Variants in SRGAP2C observed in about 807,000 individuals in gnomAD.
SRGAP2C encodes the protein SLIT-ROBO Rho GTPase-activating protein 2C.
SRGAP2C carries 15 observed loss-of-function variants against 25.1 expected under a neutral mutation model. That is an observed-to-expected ratio of 0.60 (90% confidence interval 0.40 to 0.92). SRGAP2C has a LOEUF of 0.92. Among genes scored for constraint, SRGAP2C ranks in the 40% least tolerant of loss-of-function variants. SRGAP2C has a pLI of 0.00. For missense variants in SRGAP2C, 144 were observed against 264.4 expected (o/e 0.54, Z 3.16); for synonymous variants, 44 against 96.6 (o/e 0.46, Z 3.19).
At chr1:121,347,739 G>A (rs1291476433) in intron 4 of SRGAP2C, among the ~76,000 whole-genome samples, 1 of 152,102 alleles carries the variant, frequency 6.6e-6, no homozygotes, top group Non-Finnish European at 1.5e-5. Flanking sequence ...TGACACAAAG[G>A]GTGTTTTGAG....
intron 3 of SRGAP2C, among the ~76,000 whole-genome samples, chr1:121,286,232 A>G (rs1191004965): frequency 2.3e-5 from 3 of 131,808 alleles, no homozygotes; most frequent in African/African-American, 8.9e-5. Context: ...TCCATTGTCT[A>G]TGTTCTTTTT....
intron 2 of SRGAP2C, among the ~76,000 whole-genome samples, chr1:121,206,310 T>G (rs1195973163): frequency 3.3e-5 from 5 of 152,084 alleles, no homozygotes; most frequent in Admixed American, 3.3e-4. Context: ...GCACCATGTT[T>G]GCATGTGGTA....
chr1:121,370,545 C>G (rs1216813443), intron 5 of SRGAP2C, among the ~76,000 whole-genome samples: 1 of 144,264 alleles, frequency 6.9e-6, no homozygotes, highest in Non-Finnish European at 1.5e-5. Context: ...AGGTTCATGC[C>G]ATTCTCCTGC....
At chr1:121,193,969 A>AT in intron 2 of SRGAP2C, among the ~76,000 whole-genome samples, 1 of 34,128 alleles carries the variant, frequency 2.9e-5, no homozygotes, top group Admixed American at 3.4e-4. Context: ...GTCCTGATAA[A>AT]TTTTTTAAAT....
At chr1:121,239,067 G>T in intron 2 of SRGAP2C, among the ~76,000 whole-genome samples, 1 of 132,030 alleles carries the variant, frequency 7.6e-6, no homozygotes, top group Middle Eastern at 3.6e-3. Context: ...CTAAGTGCCA[G>T]GCACTGATCC....
chr1:121,391,410 C>A lies in SRGAP2C; in HGVS notation c.*3555C>A, dbSNP rs1476334860. 8.0e-6 allele frequency: 1 copy of A among 124,996 alleles called. No homozygotes were observed. The highest frequency in any genetic ancestry group is 3.0e-5 in the African/African-American group (1 of 33,158). 7.7% of individuals were successfully genotyped at this position (124,996 alleles called of 1,614,324 possible). On this transcript the variant is annotated 3_prime_UTR_variant, in exon 10 of 10. Transcript: ENST00000367123. ...CACTCAGTGCAAGAGTGAACACACA[C>A]TTTGTGCCGGCTTTAAAGAACCCAG...
chr1:121,361,623 CAG>C (rs1553348575), intron 4 of SRGAP2C: 2 of 148,062 alleles, frequency 1.4e-5, no homozygotes, highest in Non-Finnish European at 3.0e-5. Context: ...CGGCAGCAGT[CAG>C]AGTGGAGGCC....
rs587650544 is a variant in SRGAP2C at position 121,375,055 on chromosome 1, G to C, written c.831+101G>C. On this transcript the variant is annotated intron_variant, in intron 7 of 9. Coordinates refer to ENST00000367123, the MANE Select transcript of SRGAP2C (RefSeq NM_001329984.2). ...ATTGTTCAGGAATCTGGTGCATTTT[G>C]AGAACAATTAGGAAGATAGCAGCCA... 3.3e-4 allele frequency: 219 copies of C among 659,744 alleles called. 1 individual carries two copies. In the East Asian group the frequency reaches 5.9e-3, roughly 18 times the overall value. 40.9% of individuals were successfully genotyped at this position (659,744 alleles called of 1,614,324 possible). A position where few individuals can be genotyped will look rare whatever the true frequency, so the allele number is the denominator to read the frequency against.
chr1:121,254,362 G>C (rs192951742), intron 2 of SRGAP2C, among the ~76,000 whole-genome samples: 1 of 67,392 alleles, frequency 1.5e-5, no homozygotes, highest in Non-Finnish European at 3.0e-5. Context: ...TCCCCAAGGC[G>C]TGTTATAGGT....
At chr1:121,321,197 T>C (rs1658196767) in intron 3 of SRGAP2C, among the ~76,000 whole-genome samples, 2 of 141,530 alleles carry the variant, frequency 1.4e-5, no homozygotes, top group South Asian at 4.5e-4. Context: ...CTCTTGCTCA[T>C]GTCAGTGAGG....
At chr1:121,377,300 T>A in intron 7 of SRGAP2C, among the ~76,000 whole-genome samples, 1 of 78,404 alleles carries the variant, frequency 1.3e-5, no homozygotes, top group Non-Finnish European at 2.5e-5. Context: ...AAGGAGTCTC[T>A]CTCTGTCGCC....
chr1:121,217,178 T>C lies in SRGAP2C; in HGVS notation c.67+29665T>C, dbSNP rs1247960712. On this transcript the variant is annotated intron_variant, in intron 2 of 9. Transcript: ENST00000367123. Reference sequence around the variant, plus strand: ...AGAAGTCGTCTAGGCCTACCCCTAATGAAGAAATTAAGTTGAAGTTGAAAC... The same window carrying C: ...AGAAGTCGTCTAGGCCTACCCCTAACGAAGAAATTAAGTTGAAGTTGAAAC... 7.6e-4 allele frequency among the ~76,000 whole-genome samples: 116 copies of C among 152,146 alleles called. 1 individual carries two copies. The highest frequency in any genetic ancestry group is 2.7e-3 in the African/African-American group (111 of 41,474).
intron 3 of SRGAP2C, among the ~76,000 whole-genome samples, chr1:121,299,978 A>C (rs1489094836): frequency 6.9e-6 from 1 of 144,844 alleles, no homozygotes; most frequent in Non-Finnish European, 1.5e-5. Context: ...GGCACAGTTA[A>C]GAAAGGGTTG....
At chr1:121,315,624 C>G (rs1221432582) in intron 3 of SRGAP2C, among the ~76,000 whole-genome samples, 2 of 149,268 alleles carry the variant, frequency 1.3e-5, no homozygotes, top group African/African-American at 2.5e-5. Flanking sequence ...AGCACACAAG[C>G]CAATGGACAT....
chr1:121,202,296 G>T (rs587678401), intron 2 of SRGAP2C, among the ~76,000 whole-genome samples: 18 of 152,310 alleles, frequency 1.2e-4, no homozygotes, highest in African/African-American at 4.3e-4. Flanking sequence ...TTGGCTTATA[G>T]CTACTGGAGT....
chr1:121,283,941 A>G (rs1320292526), intron 2 of SRGAP2C, among the ~76,000 whole-genome samples: 1 of 147,100 alleles, frequency 6.8e-6, no homozygotes, highest in Non-Finnish European at 1.5e-5. Context: ...GCTCCATACA[A>G]GGACCCTGAC....
Position 121,362,162 on chromosome 1 carries a change from C to T in SRGAP2C, c.424-3131C>T, listed in dbSNP as rs1397405043. On this transcript the variant is annotated intron_variant, in intron 4 of 9. Transcript: ENST00000367123. ...AGCACGGAAGCCCTTCCTGGGGCCA[C>T]GCTTTCCCCCAAAGGCACACAGTTA... 346 of 71,052 alleles carry T rather than the reference C, an allele frequency of 4.9e-3. 1 individual carries two copies. Among genetic ancestry groups the T allele is most frequent in the Admixed American group, 8.6e-3 (52 of 6,016 alleles). 4.4% of individuals were successfully genotyped at this position (71,052 alleles called of 1,614,324 possible).
chr1:121,253,981 C>T (rs1473942763), intron 2 of SRGAP2C, among the ~76,000 whole-genome samples: 12 of 151,812 alleles, frequency 7.9e-5, no homozygotes, highest in East Asian at 3.9e-4. Flanking sequence ...GGCACGATCT[C>T]GGCTCTCTGC....
At chr1:121,236,650 G>C (rs1403338762) in intron 2 of SRGAP2C, among the ~76,000 whole-genome samples, 6 of 151,988 alleles carry the variant, frequency 3.9e-5, no homozygotes, top group Non-Finnish European at 8.8e-5. Flanking sequence ...AAAGAATCCA[G>C]TTCAGGAGTT....
Sources: allele counts gnomAD v4.1 joint callset (sites outside exome capture counted in the v4.1 genomes callset), GRCh38; gene constraint gnomAD v4.1.1; transcripts MANE v1.5; gene names NCBI Gene and HGNC (gene_info 2026-07-23, HGNC 2026-07-21).